Variants in CCT3 observed in about 807,000 individuals in gnomAD.
CCT3 encodes the protein chaperonin containing TCP1 subunit 3.
A neutral mutation model predicts 65.3 loss-of-function variants in CCT3; 10 were observed. That is an observed-to-expected ratio of 0.15 (90% CI 0.09 to 0.26). CCT3 has a LOEUF of 0.26. Among genes scored for constraint, CCT3 ranks in the 10% least tolerant of loss-of-function variants. The probability of loss-of-function intolerance (pLI) is 1.00; values close to 1 mark genes in which losing one functional copy is unlikely to be tolerated. For missense variants in CCT3, 626 were observed against 708.7 expected (o/e 0.88, Z 1.33); for synonymous variants, 225 against 242.3 (o/e 0.93, Z 0.66).
intron 5 of CCT3, among the ~76,000 whole-genome samples, chr1:156,327,090 AC>A (rs1362321973): frequency 6.6e-6 from 1 of 152,260 alleles, no homozygotes; most frequent in Non-Finnish European, 1.5e-5. Flanking sequence ...TCTAATAGAC[AC>A]ACACAAAATA....
chr1:156,309,427 G>A, intron 13 of CCT3, 124 bp from the exon 14 acceptor site: 2 of 680,504 alleles, frequency 2.9e-6, no homozygotes, highest in Admixed American at 5.0e-5. Flanking sequence ...TACCTTTTCA[G>A]TCTTTTATTT....
At chr1:156,334,807 G>T in intron 3 of CCT3, 32 bp from the exon 4 acceptor site, 3 of 1,613,490 alleles carry the variant, frequency 1.9e-6, no homozygotes, top group Non-Finnish European at 2.5e-6. Context: ...TATTTAAAGT[G>T]TCCTAGATAA....
chr1:156,334,683 C>CA (rs915248654), intron 4 of CCT3, 30 bp downstream of exon 4: 5 of 1,606,982 alleles, frequency 3.1e-6, no homozygotes, highest in Admixed American at 1.7e-5. Context: ...TGTCAGAAAG[C>CA]AAAAAAACAA....
chr1:156,325,092 GA>G lies in CCT3; in HGVS notation c.305-4del. On this transcript the variant is annotated splice_polypyrimidine_tract_variant and splice_region_variant and intron_variant, in intron 5 of 13. Coordinates refer to ENST00000295688, the MANE Select transcript of CCT3 (RefSeq NM_005998.5). ...AGCTACAGACAGCATTTCCCCTGCT[GA>G]AAAAGATACAAGCACCATAGTAATA... 1.3e-6 allele frequency: 2 copies of G among 1,593,976 alleles called. No individual in the cohort carries two copies.
At chr1:156,327,089 C>T (rs1030656777) in intron 5 of CCT3, among the ~76,000 whole-genome samples, 7 of 152,126 alleles carry the variant, frequency 4.6e-5, no homozygotes, top group Non-Finnish European at 7.3e-5. Context: ...TTCTAATAGA[C>T]ACACACAAAA....
In CCT3 at chr1:156,325,092, G is replaced by T. The variant is rs572134994; in HGVS notation, c.305-3C>A. On this transcript the variant is annotated splice_region_variant and splice_polypyrimidine_tract_variant and intron_variant, in intron 5 of 13. Coordinates refer to ENST00000295688, the MANE Select transcript of CCT3 (RefSeq NM_005998.5). Reference sequence around the variant, plus strand: ...AGCTACAGACAGCATTTCCCCTGCTGAAAAAGATACAAGCACCATAGTAAT... The same window carrying T: ...AGCTACAGACAGCATTTCCCCTGCTTAAAAAGATACAAGCACCATAGTAAT... 6.3e-7 allele frequency: 1 copy of T among 1,593,978 alleles called. No individual in the cohort carries two copies. Among genetic ancestry groups the T allele is most frequent in the Non-Finnish European group, 8.6e-7 (1 of 1,164,502 alleles).
At chr1:156,334,685 A>AAAAAACAAAACC in intron 4 of CCT3, 28 bp downstream of exon 4, 3 of 1,609,956 alleles carry the variant, frequency 1.9e-6, no homozygotes, top group Non-Finnish European at 1.7e-6. Flanking sequence ...TCAGAAAGCA[A>AAAAAACAAAACC]AAAAACAAAA....
At position 156,310,590 on chromosome 1, in the gene CCT3, C is replaced by T. The variant is rs763672947; in HGVS notation, c.1501G>A (p.Val501Met). The T allele has an allele frequency of 5.6e-6, 9 of 1,613,746 alleles. No individual in the cohort carries two copies. Among genetic ancestry groups the T allele is most frequent in the Non-Finnish European group, 7.6e-6 (9 of 1,179,764 alleles). Residue 501 changes from valine (V) to methionine (M), a missense_variant, in exon 13 of 14, where the codon GTG becomes ATG. Val to Met is a conservative substitution (Grantham distance 21, BLOSUM62 1). Transcript: ENST00000295688. ...GCTGTCTTATAAGTCTGCAGCTTCA[C>T]AGCCAATGGCTCCCATATGCCCAGT... ...KELGIWEPLA[V>M]KLQTYKTAVE...
intron 5 of CCT3, among the ~76,000 whole-genome samples, chr1:156,328,384 T>C (rs1282631256): frequency 6.6e-6 from 1 of 152,074 alleles, no homozygotes; most frequent in Non-Finnish European, 1.5e-5. Context: ...GAACGGGCCA[T>C]GATGACAATG....
chr1:156,334,674 G>C (rs771353714), intron 4 of CCT3, 39 bp downstream of exon 4: 2 of 1,594,474 alleles, frequency 1.3e-6, no homozygotes, highest in South Asian at 1.1e-5. Context: ...TTACAGAACT[G>C]TCAGAAAGCA....
intron 5 of CCT3, among the ~76,000 whole-genome samples, chr1:156,327,291 CTCCACGGTCTCCCTCTCCCTCTCTT>C (rs1164023366): frequency 2.5e-3 from 380 of 152,222 alleles, no homozygotes; most frequent in South Asian, 5.6e-3. Flanking sequence ...CCCTCTCCCT[CTCCACGGTCTCCCTCTCCCTCTCTT>C]TCCACGGTCT....
chr1:156,326,288 T>C (rs950219576), intron 5 of CCT3, among the ~76,000 whole-genome samples: 1 of 152,064 alleles, frequency 6.6e-6, no homozygotes, highest in Non-Finnish European at 1.5e-5. Flanking sequence ...GTGATCACAC[T>C]ATTGCACTCC....
In CCT3 at chr1:156,320,972, G is replaced by C. The variant is rs373449901; in HGVS notation, c.476C>G (p.Ser159Cys). The change falls in exon 7 of 14, where the codon TCT becomes TGT. Residue 159 changes from serine to cysteine, a missense_variant. Ser to Cys is a moderately radical substitution (Grantham distance 112). Coordinates refer to ENST00000295688, the MANE Select transcript of CCT3 (RefSeq NM_005998.5). ...SDMMLNIINS[S>C]ITTKAISRWS... is the part of the protein sequence containing the mutation. ...CCGACTGATGGCTTTGGTAGTAATA[G>C]AGCTGTTGATGATGTTCAGCATCAT... The C allele has an allele frequency of 8.7e-6, 14 of 1,614,096 alleles. No individual in the cohort carries two copies. The highest frequency in any genetic ancestry group is 1.1e-5 in the Non-Finnish European group (13 of 1,179,992).
intron 10 of CCT3, among the ~76,000 whole-genome samples, chr1:156,313,366 G>T (rs983021501): frequency 8.9e-6 from 1 of 111,880 alleles, no homozygotes; most frequent in African/African-American, 2.9e-5. Context: ...AAAAAAAAGA[G>T]AGAGAGAGAG....
intron 13 of CCT3, among the ~76,000 whole-genome samples, chr1:156,310,293 G>A (rs1664025363): frequency 6.6e-6 from 1 of 151,974 alleles, no homozygotes. Flanking sequence ...AGGAGTTCGA[G>A]ACCAGCCTGA....
Position 156,317,506 on chromosome 1 carries a change from A to G in CCT3, c.801T>C (p.Ile267=). 1 of 1,613,786 alleles carries G rather than the reference A, an allele frequency of 6.2e-7. No homozygotes were observed. The highest frequency in any genetic ancestry group is 8.5e-7 in the Non-Finnish European group (1 of 1,179,788). The change falls in exon 9 of 14, where the codon ATT becomes ATC. Residue 267 remains isoleucine, a synonymous_variant. Coordinates refer to ENST00000295688, the MANE Select transcript of CCT3 (RefSeq NM_005998.5). ...EITREEDFTR[I]LQMEEEYIQQ... ...GGATGTACTCTTCCTCCATCTGGAG[A>G]ATTCGGGTGAAGTCCTCCTCTCGTG...
At chr1:156,331,015 T>A (rs1431129559) in intron 5 of CCT3, among the ~76,000 whole-genome samples, 5 of 150,436 alleles carry the variant, frequency 3.3e-5, no homozygotes, top group Non-Finnish European at 7.4e-5. Context: ...AGGTGGATCA[T>A]GAGGTCAGGA....
intron 11 of CCT3, 116 bp downstream of exon 11, chr1:156,311,925 A>T (rs1664100590): frequency 4.4e-6 from 3 of 687,586 alleles, no homozygotes; most frequent in Non-Finnish European, 6.4e-6. Context: ...ATTTGTGGCT[A>T]TAGGTCCAAA....
chr1:156,313,614 C>T (rs1275305833), intron 10 of CCT3, among the ~76,000 whole-genome samples: 1 of 152,204 alleles, frequency 6.6e-6, no homozygotes, highest in African/African-American at 2.4e-5. Flanking sequence ...TCCATCGATG[C>T]TTTGTCCTTG....
Sources: allele counts gnomAD v4.1 joint callset (sites outside exome capture counted in the v4.1 genomes callset), GRCh38; gene constraint gnomAD v4.1.1; transcripts MANE v1.5; gene names NCBI Gene and HGNC (gene_info 2026-07-23, HGNC 2026-07-21).